EYS: variants seen among roughly 807,000 people sequenced by gnomAD.
The protein encoded by EYS is protein eyes shut homolog.
EYS carries 250 observed loss-of-function variants against 282.1 expected under a neutral mutation model. That is an observed-to-expected ratio of 0.89 (90% CI 0.80 to 0.98). EYS has a LOEUF of 0.98. Among genes scored for constraint, EYS ranks in the 50% least tolerant of loss-of-function variants. The pLI is 0.00. For missense variants in EYS, 4,016 were observed against 3,709.0 expected (o/e 1.08, Z -2.15); for synonymous variants, 1,355 against 1,282.9 (o/e 1.06, Z -1.20).
intron 33 of EYS, among the ~76,000 whole-genome samples, chr6:64,012,641 T>C (rs772526320): frequency 6.6e-6 from 1 of 152,206 alleles, no homozygotes; most frequent in Non-Finnish European, 1.5e-5. Context: ...ACTTATCCAG[T>C]GTGATTGTCA....
chr6:64,162,111 C>A (rs1442383931), intron 31 of EYS, among the ~76,000 whole-genome samples: 4 of 152,076 alleles, frequency 2.6e-5, no homozygotes, highest in African/African-American at 9.7e-5. Flanking sequence ...GTGTGCTTTT[C>A]TCAGCATAAG....
At chr6:63,975,752 C>A (rs971126419) in intron 35 of EYS, among the ~76,000 whole-genome samples, 4 of 151,890 alleles carry the variant, frequency 2.6e-5, no homozygotes, top group African/African-American at 9.7e-5. Flanking sequence ...TAATATCATA[C>A]CAGAGCATTG....
intron 31 of EYS, among the ~76,000 whole-genome samples, chr6:64,084,421 A>G (rs1772078228): frequency 1.3e-5 from 2 of 152,232 alleles, no homozygotes; most frequent in African/African-American, 2.4e-5. Flanking sequence ...GCTTTGTAAT[A>G]AAGTAAAGGG....
intron 36 of EYS, chr6:63,857,651 A>C: frequency 2.2e-6 from 1 of 448,258 alleles, no homozygotes; most frequent in Non-Finnish European, 4.6e-6. Context: ...TGGAGACTTG[A>C]ACTGGATGCT....
intron 19 of EYS, among the ~76,000 whole-genome samples, chr6:64,851,984 A>G (rs1052152402): frequency 1.3e-5 from 2 of 152,148 alleles, no homozygotes; most frequent in African/African-American, 4.8e-5. Context: ...GAAAGTTTAA[A>G]AAAAGATTTG....
chr6:64,360,369 T>C (rs1289846411), intron 29 of EYS, among the ~76,000 whole-genome samples: 1 of 151,744 alleles, frequency 6.6e-6, no homozygotes, highest in Non-Finnish European at 1.5e-5. Context: ...ACTGAAGAAG[T>C]GAACACAGGC....
intron 13 of EYS, among the ~76,000 whole-genome samples, chr6:65,031,316 G>C (rs1167795555): frequency 6.6e-6 from 1 of 151,614 alleles, no homozygotes; most frequent in Non-Finnish European, 1.5e-5. Flanking sequence ...GTATTAGAGA[G>C]GTCATGAAAG....
At chr6:64,273,436 C>T (rs1487200173) in intron 30 of EYS, among the ~76,000 whole-genome samples, 1 of 151,990 alleles carries the variant, frequency 6.6e-6, no homozygotes, top group African/African-American at 2.4e-5. Context: ...TTTTTCCCCA[C>T]CTTTTTTTCT....
At chr6:63,950,195 A>C (rs1268967104) in intron 35 of EYS, among the ~76,000 whole-genome samples, 1 of 133,538 alleles carries the variant, frequency 7.5e-6, no homozygotes, top group East Asian at 2.2e-4. Context: ...AAAACAAAAC[A>C]AAAAAAAAAA....
At chr6:64,785,741 T>C (rs945576849) in intron 22 of EYS, among the ~76,000 whole-genome samples, 2 of 152,204 alleles carry the variant, frequency 1.3e-5, no homozygotes, top group African/African-American at 4.8e-5. Context: ...GCACTTTGAT[T>C]ATTTGTCAAG....
Position 65,600,367 on chromosome 6 carries a change from G to A in EYS, c.-333+39411C>T, listed in dbSNP as rs191152347. 2.6e-5 allele frequency among the ~76,000 whole-genome samples: 4 copies of A among 152,128 alleles called. No individual in the cohort carries two copies. The East Asian group carries it at 7.7e-4, about 29-fold the overall frequency. On this transcript the variant is annotated intron_variant, in intron 2 of 42. Transcript: ENST00000503581. ...CTCATCCCAGACTCCTGGACTATGG[G>A]CAAGAGTTTTCTCCTCATTGTTATT...
intron 29 of EYS, among the ~76,000 whole-genome samples, chr6:64,387,957 A>G (rs1772967575): frequency 1.3e-5 from 2 of 152,246 alleles, no homozygotes; most frequent in South Asian, 4.1e-4. Flanking sequence ...TGGGACTGTG[A>G]AACAATAGCA....
At chr6:64,958,622 C>T (rs1392063216) in intron 14 of EYS, among the ~76,000 whole-genome samples, 1 of 147,280 alleles carries the variant, frequency 6.8e-6, no homozygotes, top group Non-Finnish European at 1.5e-5. Context: ...GTAGTCCCAG[C>T]TACTCGGGAG....
At chr6:64,726,189 G>A (rs1367283520) in intron 22 of EYS, among the ~76,000 whole-genome samples, 5 of 151,176 alleles carry the variant, frequency 3.3e-5, no homozygotes, top group Admixed American at 3.3e-4. Context: ...TCTTTTATGA[G>A]CCTTGCTCTA....
chr6:64,600,153 C>T (rs1187087312), intron 24 of EYS, among the ~76,000 whole-genome samples: 1 of 152,044 alleles, frequency 6.6e-6, no homozygotes, highest in Non-Finnish European at 1.5e-5. Flanking sequence ...TGTGTCTTTC[C>T]AGCCTACTTT....
At chr6:63,725,413 C>T (rs1235124855) in intron 42 of EYS, among the ~76,000 whole-genome samples, 3 of 152,022 alleles carry the variant, frequency 2.0e-5, no homozygotes, top group Non-Finnish European at 4.4e-5. Context: ...GATTTTCTGC[C>T]CTCTTACATA....
intron 22 of EYS, among the ~76,000 whole-genome samples, chr6:64,809,310 C>T (rs1170952503): frequency 6.6e-6 from 1 of 151,980 alleles, no homozygotes; most frequent in Non-Finnish European, 1.5e-5. Context: ...AAACTAACTA[C>T]TCTGTAAACA....
chr6:64,009,012 C>T lies in EYS; in HGVS notation c.6726-9829G>A, dbSNP rs1407216865. 2.0e-5 allele frequency among the ~76,000 whole-genome samples: 3 copies of T among 152,104 alleles called. No individual in the cohort carries two copies. In the East Asian group the frequency reaches 5.8e-4, roughly 29 times the overall value. ...ATTTCCTGAATTTGAATGTTGGCCTCTCTAGTGAGGTTGAGGAAATTTTCA... is the reference window on the plus strand; with the variant it reads ...ATTTCCTGAATTTGAATGTTGGCCTTTCTAGTGAGGTTGAGGAAATTTTCA... On this transcript the variant is annotated intron_variant, in intron 33 of 42. Transcript: ENST00000503581.
chr6:64,992,023 A>C (rs996136158), intron 14 of EYS, among the ~76,000 whole-genome samples: 8 of 151,802 alleles, frequency 5.3e-5, no homozygotes, highest in Admixed American at 1.3e-4. Flanking sequence ...ACAAGGCGTT[A>C]TAAATTATCT....
Sources: allele counts gnomAD v4.1 joint callset (sites outside exome capture counted in the v4.1 genomes callset), GRCh38; gene constraint gnomAD v4.1.1; transcripts MANE v1.5; gene names NCBI Gene and HGNC (gene_info 2026-07-23, HGNC 2026-07-21).